The following MGAT5 variants were observed in gnomAD, a reference collection of about 807,000 sequenced individuals.
MGAT5 encodes the protein alpha-1,6-mannosylglycoprotein 6-beta-N-acetylglucosaminyltransferase A.
MGAT5 carries 30 observed loss-of-function variants against 94.3 expected under a neutral mutation model. The observed-to-expected ratio is 0.32, with a 90% CI of 0.24 to 0.43. MGAT5 has a LOEUF of 0.43. Among genes scored for constraint, MGAT5 ranks in the 20% least tolerant of loss-of-function variants. MGAT5 has a pLI of 1.00. For missense variants in MGAT5, 691 were observed against 905.5 expected (o/e 0.76, Z 3.04); for synonymous variants, 310 against 322.9 (o/e 0.96, Z 0.43).
chr2:134,124,854 C>T (rs2104877052), intron 1 of MGAT5, among the ~76,000 whole-genome samples: 1 of 152,350 alleles, frequency 6.6e-6, no homozygotes, highest in East Asian at 1.9e-4. Context: ...GTGGCTGGCC[C>T]TTGAGGGAAC....
At chr2:134,278,979 T>G (rs35974856) in intron 2 of MGAT5, among the ~76,000 whole-genome samples, 20,188 of 152,186 alleles carry the variant, frequency 0.13, 3,101 homozygotes, top group African/African-American at 0.35. Flanking sequence ...TTTCCACTCT[T>G]TGCTTGTCTT....
intron 2 of MGAT5, among the ~76,000 whole-genome samples, chr2:134,307,330 A>G (rs562667526): frequency 6.6e-6 from 1 of 152,276 alleles, no homozygotes; most frequent in African/African-American, 2.4e-5. Flanking sequence ...TATAAACTCT[A>G]TTCAACTGTA....
intron 2 of MGAT5, among the ~76,000 whole-genome samples, chr2:134,314,833 C>G (rs549662745): frequency 6.6e-6 from 1 of 152,256 alleles, no homozygotes; most frequent in East Asian, 1.9e-4. Flanking sequence ...AACGAGGGGC[C>G]TTGCTTTGGG....
intron 10 of MGAT5, among the ~76,000 whole-genome samples, chr2:134,378,331 A>T (rs575476989): frequency 6.6e-6 from 1 of 152,204 alleles, no homozygotes; most frequent in East Asian, 1.9e-4. Context: ...GGCAGAGCCC[A>T]TAGCAGGGTT....
chr2:134,285,008 GTCT>G (rs1337257459), intron 2 of MGAT5, among the ~76,000 whole-genome samples: 1 of 151,880 alleles, frequency 6.6e-6, no homozygotes, highest in African/African-American at 2.4e-5. Flanking sequence ...TTTTGTTTTG[GTCT>G]TCTTTTTGTT....
chr2:134,276,147 G>A (rs1684346796), intron 2 of MGAT5, among the ~76,000 whole-genome samples: 1 of 151,814 alleles, frequency 6.6e-6, no homozygotes, highest in Admixed American at 6.6e-5. Context: ...TAGCAAGGCT[G>A]TTCACAAGCC....
intron 2 of MGAT5, among the ~76,000 whole-genome samples, chr2:134,304,699 C>A (rs1416752113): frequency 6.6e-6 from 1 of 152,146 alleles, no homozygotes; most frequent in Non-Finnish European, 1.5e-5. Context: ...GAAGGAATAC[C>A]TGCTAAGGGC....
At chr2:134,287,891 T>A (rs1685107818) in intron 2 of MGAT5, among the ~76,000 whole-genome samples, 1 of 152,256 alleles carries the variant, frequency 6.6e-6, no homozygotes, top group Admixed American at 6.5e-5. Flanking sequence ...TTACATCCTC[T>A]GTGTAAATAC....
intron 4 of MGAT5, among the ~76,000 whole-genome samples, chr2:134,330,483 C>A (rs2105950098): frequency 6.6e-6 from 1 of 151,838 alleles, no homozygotes. Flanking sequence ...TCACATTAAG[C>A]CTTGACTTCA....
intron 10 of MGAT5, among the ~76,000 whole-genome samples, chr2:134,389,636 T>G (rs1390867568): frequency 6.6e-6 from 1 of 152,062 alleles, no homozygotes; most frequent in Non-Finnish European, 1.5e-5. Context: ...GATAACTGAG[T>G]TAATGGTGTG....
At chr2:134,253,385 A>G (rs1488332144), upstream of MGAT5, among the ~76,000 whole-genome samples, 1 of 152,184 alleles carries the variant, frequency 6.6e-6, no homozygotes, top group African/African-American at 2.4e-5. Context: ...ACCATTTGCA[A>G]CCTATGCTCA....
intron 11 of MGAT5, among the ~76,000 whole-genome samples, chr2:134,406,115 T>A (rs1028619119): frequency 1.1e-4 from 16 of 152,210 alleles, no homozygotes; most frequent in African/African-American, 3.9e-4. Flanking sequence ...GGTTTAAATC[T>A]CCATCTCTTT....
chr2:134,196,640 C>T (rs1435210731), intron 1 of MGAT5, among the ~76,000 whole-genome samples: 4 of 152,200 alleles, frequency 2.6e-5, no homozygotes, highest in South Asian at 2.1e-4. Flanking sequence ...TCTTTAGCTC[C>T]GCTTTTATAG....
intron 7 of MGAT5, among the ~76,000 whole-genome samples, chr2:134,342,054 C>T (rs1470914701): frequency 1.3e-5 from 2 of 152,136 alleles, no homozygotes; most frequent in Non-Finnish European, 2.9e-5. Flanking sequence ...GAGCACAAAA[C>T]ATTATTGACT....
chr2:134,275,294 T>C (rs536676616), intron 2 of MGAT5, among the ~76,000 whole-genome samples: 1 of 152,362 alleles, frequency 6.6e-6, no homozygotes, highest in African/African-American at 2.4e-5. Context: ...CTTTCTGTTT[T>C]GTTATTTGCA....
intron 1 of MGAT5, among the ~76,000 whole-genome samples, chr2:134,247,240 G>T (rs948883001): frequency 3.3e-5 from 5 of 152,020 alleles, no homozygotes; most frequent in Non-Finnish European, 7.4e-5. Context: ...CTTAAAATAT[G>T]GGAGTCAGGC....
intron 14 of MGAT5, among the ~76,000 whole-genome samples, chr2:134,430,750 C>T (rs572522719): frequency 1.4e-5 from 2 of 143,402 alleles, no homozygotes; most frequent in East Asian, 4.2e-4. Context: ...GTTGTTGATT[C>T]ATTCTTCTAC....
In MGAT5 at chr2:134,349,932, A is replaced by T. The variant is rs1395667314; in HGVS notation, c.1240A>T (p.Met414Leu). The change falls in exon 9 of 16, where the codon ATG (methionine) becomes TTG (leucine). Residue 414 changes from methionine to leucine, a missense_variant. By Grantham distance (15) the Met-to-Leu change is conservative. This residue lies in a region of MGAT5 where 121 missense variants were observed against 206.1 expected (regional missense o/e 0.59). Transcript: ENST00000281923. ...TCTGAACCCTCAGCAGTTTTATACC[A>T]TGTTCCGTGAGTATTCCTGTTTCAT... ...WNLNPQQFYT[M>L]FPHTPDNSFL... is the part of the protein sequence containing the mutation. The T allele has an allele frequency of 1.9e-6, 3 of 1,613,182 alleles. No individual in the cohort carries two copies. The highest frequency in any genetic ancestry group is 2.5e-6 in the Non-Finnish European group (3 of 1,179,530).
At chr2:134,427,279 C>T (rs539716857) in intron 13 of MGAT5, among the ~76,000 whole-genome samples, 2 of 152,110 alleles carry the variant, frequency 1.3e-5, no homozygotes, top group African/African-American at 4.8e-5. Context: ...CTGTTGGGCT[C>T]CCTGAAGCAA....
Sources: gnomAD v4.1 joint callset for allele counts (sites outside exome capture counted in the v4.1 genomes callset) on GRCh38, gnomAD v4.1.1 for gene constraint, gnomAD v4.1.1 regional missense constraint, MANE v1.5 for transcripts, NCBI Gene and HGNC (gene_info 2026-07-23, HGNC 2026-07-21) for gene names.